The following HAO1 variants were observed in gnomAD, a reference collection of about 807,000 sequenced individuals.
HAO1 encodes the protein 2-Hydroxyacid oxidase 1.
A neutral mutation model predicts 39.7 loss-of-function variants in HAO1; 34 were observed. The observed-to-expected ratio is 0.86, with a 90% CI of 0.65 to 1.14. HAO1 has a LOEUF of 1.14. Ranked by LOEUF, HAO1 falls within the 50% of genes most tolerant of loss-of-function variation. The pLI is 0.00. For missense variants in HAO1, 479 were observed against 464.5 expected, an observed-to-expected ratio of 1.03 and a Z score of -0.29; for synonymous variants, 172 against 173.2, an observed-to-expected ratio of 0.99 and a Z score of 0.05.
chr20:7,911,946 A>G (rs2050281885), intron 3 of HAO1, among the ~76,000 whole-genome samples: 1 of 152,204 alleles, frequency 6.6e-6, no homozygotes, highest in South Asian at 2.1e-4. Flanking sequence ...TGCCTTTAAG[A>G]GCTGAATGTG....
intron 2 of HAO1, among the ~76,000 whole-genome samples, chr20:7,914,976 C>T (rs183139214): frequency 2.6e-5 from 4 of 152,154 alleles, no homozygotes; most frequent in South Asian, 2.1e-4. Context: ...CAAAATTAAC[C>T]GGGCGTGGTC....
At chr20:7,923,051 A>G (rs2050342181) in intron 2 of HAO1, among the ~76,000 whole-genome samples, 1 of 152,136 alleles carries the variant, frequency 6.6e-6, no homozygotes, top group Non-Finnish European at 1.5e-5. Context: ...CAATAACCTG[A>G]CATAAGGTAA....
intron 2 of HAO1, among the ~76,000 whole-genome samples, chr20:7,930,404 T>A: frequency 6.6e-6 from 1 of 152,288 alleles, no homozygotes; most frequent in Non-Finnish European, 1.5e-5. Flanking sequence ...TATAAATAAA[T>A]CTCTGCCAAG....
At chr20:7,903,699 G>A (rs534617517) in intron 4 of HAO1, among the ~76,000 whole-genome samples, 2 of 151,150 alleles carry the variant, frequency 1.3e-5, no homozygotes, top group African/African-American at 2.4e-5. Flanking sequence ...TAATGGTGGT[G>A]TTGATGGAGG....
At chr20:7,909,383 A>ATATATATATATATATATACG (rs2050266242) in intron 3 of HAO1, among the ~76,000 whole-genome samples, 1 of 124,818 alleles carries the variant, frequency 8.0e-6, no homozygotes, top group Admixed American at 8.1e-5. Flanking sequence ...ATATATGTAT[A>ATATATATATATATATATACG]TATATATATA....
chr20:7,902,518 C>T (rs1270267909), intron 4 of HAO1, among the ~76,000 whole-genome samples: 3 of 152,114 alleles, frequency 2.0e-5, no homozygotes, highest in Admixed American at 2.0e-4. Flanking sequence ...AAATAGACTA[C>T]AGTATAGCAA....
At chr20:7,932,772 T>C (rs994952542) in intron 2 of HAO1, among the ~76,000 whole-genome samples, 2 of 152,200 alleles carry the variant, frequency 1.3e-5, no homozygotes, top group South Asian at 2.1e-4. Context: ...CAAATTATTT[T>C]CCTGCTAAAA....
At chr20:7,932,384 G>A (rs988278074) in intron 2 of HAO1, among the ~76,000 whole-genome samples, 3 of 152,072 alleles carry the variant, frequency 2.0e-5, no homozygotes, top group African/African-American at 7.2e-5. Context: ...TGCTTTCTCT[G>A]CTTCCTTTCT....
intron 2 of HAO1, among the ~76,000 whole-genome samples, chr20:7,923,782 A>G (rs1249444397): frequency 6.6e-6 from 1 of 152,168 alleles, no homozygotes; most frequent in African/African-American, 2.4e-5. Flanking sequence ...TAAGATCTGC[A>G]TTTCTAACAA....
At chr20:7,917,440 C>A (rs1009910665) in intron 2 of HAO1, among the ~76,000 whole-genome samples, 2 of 151,994 alleles carry the variant, frequency 1.3e-5, no homozygotes, top group East Asian at 3.9e-4. Flanking sequence ...AGCACTCTCC[C>A]AGGGCAATGA....
chr20:7,885,869 G>A lies in HAO1; in HGVS notation c.814-5C>T. The A allele has an allele frequency of 6.2e-7, 1 of 1,611,572 alleles. No homozygotes were observed. The highest frequency in any genetic ancestry group is 8.5e-7 in the Non-Finnish European group (1 of 1,178,154). On this transcript the variant is annotated splice_polypyrimidine_tract_variant and splice_region_variant and intron_variant, in intron 5 of 7. Transcript: ENST00000378789. ...AATTTCTGGCAGAACATCAATCTGG[G>A]GAAAGAAAAGTTCAATAATGTGACT...
At chr20:7,885,891 G>T in intron 5 of HAO1, 27 bp from the exon 6 acceptor site, 1 of 1,594,596 alleles carries the variant, frequency 6.3e-7, no homozygotes, top group South Asian at 1.1e-5. Flanking sequence ...TCAATAATGT[G>T]ACTCTATTAA....
At chr20:7,913,178 T>TG (rs1311310166) in intron 3 of HAO1, among the ~76,000 whole-genome samples, 1 of 151,152 alleles carries the variant, frequency 6.6e-6, no homozygotes, top group Admixed American at 6.6e-5. Context: ...TTGTTTTTTT[T>TG]TTTTTTTCCA....
chr20:7,897,291 T>C (rs1418780749), intron 4 of HAO1, among the ~76,000 whole-genome samples: 2 of 152,212 alleles, frequency 1.3e-5, no homozygotes, highest in Non-Finnish European at 2.9e-5. Flanking sequence ...TAAGTTGTGA[T>C]TTGTTTTCTC....
chr20:7,921,657 A>G (rs1044956675), intron 2 of HAO1, among the ~76,000 whole-genome samples: 5 of 152,194 alleles, frequency 3.3e-5, no homozygotes, highest in African/African-American at 9.6e-5. Context: ...GTGCACCTGC[A>G]TGTTCATCAC....
chr20:7,883,603 G>A lies in HAO1; in HGVS notation c.1103C>T (p.Ser368Phe). 1 of 1,612,450 alleles carries A rather than the reference G, an allele frequency of 6.2e-7. No individual in the cohort carries two copies. The highest frequency in any genetic ancestry group is 8.5e-7 in the Non-Finnish European group (1 of 1,178,598). ...TLVRKNPLAVSKI is the reference protein window; with the variant it reads ...TLVRKNPLAVFKI ...AAATATTGTGCACTGTCAGATCTTG[G>A]AAACGGCCAAAGGATTTTTCCTCAC... is the stretch of plus-strand genomic sequence containing the variant. Residue 368 changes from serine (S) to phenylalanine (F), a missense_variant, in exon 8 of 8, where the codon TCC becomes TTC. Transcript: ENST00000378789.
chr20:7,915,676 C>A (rs2050303574), intron 2 of HAO1, among the ~76,000 whole-genome samples: 2 of 152,004 alleles, frequency 1.3e-5, no homozygotes, highest in African/African-American at 2.4e-5. Context: ...GGGGGAGATC[C>A]TATTAATTCT....
chr20:7,894,313 C>T (rs1022543277), intron 5 of HAO1, among the ~76,000 whole-genome samples: 5 of 152,146 alleles, frequency 3.3e-5, no homozygotes, highest in African/African-American at 1.2e-4. Context: ...CTCTTCGATA[C>T]AGTTGTATTC....
chr20:7,918,495 C>T (rs1600116170), intron 2 of HAO1, among the ~76,000 whole-genome samples: 1 of 152,230 alleles, frequency 6.6e-6, no homozygotes, highest in South Asian at 2.1e-4. Flanking sequence ...AAGTTTATCA[C>T]CCCAGCCCCC....
Sources: gnomAD v4.1 joint callset for allele counts (sites outside exome capture counted in the v4.1 genomes callset) on GRCh38, gnomAD v4.1.1 for gene constraint, MANE v1.5 for transcripts, NCBI Gene and HGNC (gene_info 2026-07-23, HGNC 2026-07-21) for gene names.